NETO2: variants seen among roughly 807,000 people sequenced by gnomAD.
NETO2 encodes neuropilin and tolloid like 2, also known as neuropilin and tolloid-like protein 2.
In NETO2, 28 loss-of-function variants were observed where a neutral mutation model predicts 62.5. That is an observed-to-expected ratio of 0.45 (90% confidence interval 0.33 to 0.61). The LOEUF (loss-of-function observed/expected upper bound fraction) is 0.61. NETO2 is among the 20% of genes least tolerant of loss of function. The pLI is 0.02. For synonymous variants in NETO2, 214 were observed against 219.1 expected (o/e 0.98, Z 0.21); for missense variants, 548 against 643.2 (o/e 0.85, Z 1.60).
intron 8 of NETO2, among the ~76,000 whole-genome samples, 172 bp downstream of exon 8, chr16:47,086,054 C>A (rs1053806814): frequency 6.6e-6 from 1 of 152,038 alleles, no homozygotes; most frequent in Non-Finnish European, 1.5e-5. Context: ...TGCAGTGAGC[C>A]GAGATTGTGC....
intron 6 of NETO2, among the ~76,000 whole-genome samples, chr16:47,118,682 T>C (rs545687022): frequency 6.6e-6 from 1 of 152,358 alleles, no homozygotes; most frequent in Admixed American, 6.5e-5. Flanking sequence ...AAAATATCTG[T>C]GTACCCAGCT....
intron 2 of NETO2, 38 bp downstream of exon 2, chr16:47,131,931 C>A: frequency 6.4e-7 from 1 of 1,568,052 alleles, no homozygotes; most frequent in South Asian, 1.1e-5. Flanking sequence ...AGTCCATTGT[C>A]TTAAACATGC....
intron 1 of NETO2, among the ~76,000 whole-genome samples, chr16:47,132,517 G>T (rs1964286591): frequency 6.6e-6 from 1 of 152,138 alleles, no homozygotes; most frequent in South Asian, 2.1e-4. Flanking sequence ...AATTCAAACT[G>T]TCTTATCATT....
At chr16:47,107,901 G>A (rs1451568976) in intron 7 of NETO2, among the ~76,000 whole-genome samples, 2 of 152,072 alleles carry the variant, frequency 1.3e-5, no homozygotes, top group Non-Finnish European at 2.9e-5. Context: ...TCAGCCTCCT[G>A]AGTAGCTGGG....
chr16:47,096,977 C>T (rs576156236), intron 7 of NETO2, among the ~76,000 whole-genome samples: 23 of 152,152 alleles, frequency 1.5e-4, no homozygotes, highest in Non-Finnish European at 2.1e-4. Flanking sequence ...CATGAGGGAA[C>T]GGCGCATTCT....
chr16:47,090,697 C>T (rs1265936324), intron 7 of NETO2, among the ~76,000 whole-genome samples: 1 of 152,138 alleles, frequency 6.6e-6, no homozygotes, highest in African/African-American at 2.4e-5. Context: ...AATCACATTA[C>T]GGGTTTATTC....
At chr16:47,115,572 G>T (rs1238909491) in intron 6 of NETO2, among the ~76,000 whole-genome samples, 2 of 150,246 alleles carry the variant, frequency 1.3e-5, no homozygotes, top group Non-Finnish European at 1.5e-5. Context: ...TTGTTGTCCA[G>T]GCTGGAGTGC....
chr16:47,133,721 AGT>A (rs1964316333), intron 1 of NETO2, among the ~76,000 whole-genome samples: 1 of 152,176 alleles, frequency 6.6e-6, no homozygotes. Flanking sequence ...TGAGTAATAC[AGT>A]GTGGTTGGCA....
chr16:47,128,202 C>T, intron 4 of NETO2, 123 bp downstream of exon 4: 1 of 1,236,248 alleles, frequency 8.1e-7, no homozygotes, highest in Non-Finnish European at 1.1e-6. Context: ...TTTGACTTTG[C>T]TAATTTGTTT....
rs767065875 is a variant in NETO2, at chr16:47,127,861, T to A, written c.481+464A>T. 1.7e-4 allele frequency among the ~76,000 whole-genome samples: 26 copies of A among 152,340 alleles called. No homozygotes were observed. The Middle Eastern group carries it at 0.01, about 60-fold the overall frequency. On this transcript the variant is annotated intron_variant, in intron 4 of 8. Transcript: ENST00000562435. ...GGCAGAGAAAGAATTCAAACCCAGA[T>A]CTTTGACATCCAAGTGCAGAGCAGT...
chr16:47,139,145 A>G (rs536499105), intron 1 of NETO2, among the ~76,000 whole-genome samples: 16 of 152,198 alleles, frequency 1.1e-4, no homozygotes, highest in Non-Finnish European at 2.4e-4. Context: ...CCACAGCCTA[A>G]AAGACTGTCT....
intron 7 of NETO2, among the ~76,000 whole-genome samples, chr16:47,107,896 C>T (rs1278817180): frequency 6.6e-6 from 1 of 152,096 alleles, no homozygotes; most frequent in Non-Finnish European, 1.5e-5. Flanking sequence ...CCACCTCAGC[C>T]TCCTGAGTAG....
intron 7 of NETO2, 118 bp downstream of exon 7, chr16:47,109,365 T>C: frequency 2.1e-6 from 1 of 487,470 alleles, no homozygotes; most frequent in Non-Finnish European, 3.5e-6. Flanking sequence ...AAAAGAGCTG[T>C]AGTAAAACAA....
intron 4 of NETO2, 100 bp from the exon 5 acceptor site, chr16:47,123,012 GAGA>G: frequency 3.4e-6 from 4 of 1,161,846 alleles, no homozygotes; most frequent in Non-Finnish European, 5.0e-6. Flanking sequence ...AGCAAGGTAA[GAGA>G]AGCTTTCATT....
At chr16:47,117,079 A>C (rs1432308288) in intron 6 of NETO2, among the ~76,000 whole-genome samples, 1 of 152,118 alleles carries the variant, frequency 6.6e-6, no homozygotes, top group Non-Finnish European at 1.5e-5. Flanking sequence ...TATCTAAATA[A>C]CTTCCTTTAT....
At chr16:47,112,998 C>T (rs1963832941) in intron 6 of NETO2, among the ~76,000 whole-genome samples, 1 of 152,130 alleles carries the variant, frequency 6.6e-6, no homozygotes. Flanking sequence ...TATCCATTCT[C>T]CTATTGGGCA....
intron 2 of NETO2, among the ~76,000 whole-genome samples, chr16:47,131,496 AAAAC>A (rs1210758727): frequency 2.6e-5 from 4 of 152,234 alleles, no homozygotes; most frequent in Non-Finnish European, 4.4e-5. Context: ...ATGAAAATAA[AAAAC>A]AAACAACATT....
chr16:47,123,031 A>C, intron 4 of NETO2, 119 bp from the exon 5 acceptor site: 2 of 897,570 alleles, frequency 2.2e-6, no homozygotes, highest in South Asian at 3.3e-5. Flanking sequence ...TCATTGGTGA[A>C]AACTACATAT....
At chr16:47,139,797 C>T (rs1449884559) in intron 1 of NETO2, among the ~76,000 whole-genome samples, 1 of 152,198 alleles carries the variant, frequency 6.6e-6, no homozygotes, top group African/African-American at 2.4e-5. Flanking sequence ...CTTTCTCTTT[C>T]CTGCAGAATG....
Sources: gnomAD v4.1 joint callset for allele counts (sites outside exome capture counted in the v4.1 genomes callset) on GRCh38, gnomAD v4.1.1 for gene constraint, MANE v1.5 for transcripts, NCBI Gene and HGNC (gene_info 2026-07-23, HGNC 2026-07-21) for gene names.